SDC3: variants seen among roughly 807,000 people sequenced by gnomAD.
The protein encoded by SDC3 is syndecan-3.
In SDC3, 13 loss-of-function variants were observed where a neutral mutation model predicts 24.4. That is an observed-to-expected ratio of 0.53 (90% CI 0.35 to 0.85). SDC3 has a LOEUF of 0.85. SDC3 is among the 40% of genes least tolerant of loss of function. The pLI, the probability that SDC3 is intolerant of heterozygous loss-of-function variation, is 0.01. For synonymous variants in SDC3, 295 were observed against 260.9 expected (o/e 1.13, Z -1.26); for missense variants, 571 against 584.5 (o/e 0.98, Z 0.24).
intron 4 of SDC3, 102 bp downstream of exon 4, chr1:30,874,195 C>A: frequency 7.3e-6 from 7 of 964,316 alleles, no homozygotes; most frequent in Non-Finnish European, 9.2e-6. Context: ...GAAACCACGC[C>A]CTGATCTCCT....
In SDC3 at chr1:30,869,551, A is replaced by AAAAAAAAAAAAAAAAAAAC. The variant is rs1639494851; in HGVS notation, c.*3659_*3660insGTTTTTTTTTTTTTTTTTT. 1 of 392,376 alleles carries AAAAAAAAAAAAAAAAAAAC rather than the reference A, an allele frequency of 2.5e-6. No individual in the cohort carries two copies. The highest frequency in any genetic ancestry group is 4.5e-6 in the Non-Finnish European group (1 of 223,694). 24.3% of individuals were successfully genotyped at this position (392,376 alleles called of 1,614,324 possible). On this transcript the variant is annotated 3_prime_UTR_variant, in exon 5 of 5. Transcript: ENST00000339394. ...AACAAACAAACAAAAAAAAAAAAAA[A>AAAAAAAAAAAAAAAAAAAC]AAAAAAAAAACAAAAACAAAACCAG... is the stretch of plus-strand genomic sequence containing the variant.
chr1:30,874,602 G>A lies in SDC3; in HGVS notation c.871-14C>T, dbSNP rs775066462. On this transcript the variant is annotated splice_polypyrimidine_tract_variant and intron_variant, in intron 3 of 4. Coordinates refer to ENST00000339394, the MANE Select transcript of SDC3 (RefSeq NM_014654.4). ...TGGAGTTGGGGTCTGCAGAGAGGGT[G>A]GCATGAGCCCAGGACAACCACACAT... The A allele has an allele frequency of 1.2e-6, 2 of 1,611,634 alleles. No individual in the cohort carries two copies. Among genetic ancestry groups the A allele is most frequent in the Non-Finnish European group, 1.7e-6 (2 of 1,178,600 alleles).
rs186353720 is a variant in SDC3 at position 30,901,479 on chromosome 1, A to T, written c.138+6970T>A. ...AACAAGGCCTCTCTGGAGTTCCAGG[A>T]GTGGAAGGGCCTGAAGAGTCATCAT... On this transcript the variant is annotated intron_variant, in intron 1 of 4. Transcript: ENST00000339394. 2.9e-3 allele frequency among the ~76,000 whole-genome samples: 449 copies of T among 152,276 alleles called. 4 individuals carry two copies. The highest frequency in any genetic ancestry group is 0.01 in the African/African-American group (426 of 41,534).
intron 1 of SDC3, among the ~76,000 whole-genome samples, chr1:30,899,635 G>A (rs1165289612): frequency 6.6e-6 from 1 of 152,210 alleles, no homozygotes; most frequent in East Asian, 1.9e-4. Context: ...CTCCCAAAGT[G>A]CTGGGATTAC....
At chr1:30,882,504 C>T (rs967245711) in intron 1 of SDC3, among the ~76,000 whole-genome samples, 2 of 152,194 alleles carry the variant, frequency 1.3e-5, no homozygotes, top group Admixed American at 6.5e-5. Flanking sequence ...GGAGGCTCCC[C>T]TGGGCCAGGG....
chr1:30,878,905 C>T (rs1317588128), intron 1 of SDC3, 165 bp from the exon 2 acceptor site: 3 of 603,274 alleles, frequency 5.0e-6, no homozygotes, highest in East Asian at 5.5e-5. Flanking sequence ...ATTCACAGGG[C>T]AGGGGTGGGG....
chr1:30,888,380 G>C (rs1225362127), intron 1 of SDC3, among the ~76,000 whole-genome samples: 2 of 152,150 alleles, frequency 1.3e-5, no homozygotes, highest in African/African-American at 4.8e-5. Flanking sequence ...AGGTGAGGGG[G>C]CTCCAGGGAC....
intron 1 of SDC3, among the ~76,000 whole-genome samples, chr1:30,899,565 T>C (rs1371132617): frequency 6.6e-6 from 1 of 151,036 alleles, no homozygotes; most frequent in Non-Finnish European, 1.5e-5. Context: ...AGAGATGGAG[T>C]TTCACCATCT....
intron 2 of SDC3, chr1:30,877,524 G>A (rs922716954): frequency 5.9e-6 from 3 of 511,512 alleles, no homozygotes. Flanking sequence ...GAACACAGGA[G>A]TGGCATTCTG....
chr1:30,906,279 C>CT (rs1282446727), intron 1 of SDC3, among the ~76,000 whole-genome samples: 1 of 152,162 alleles, frequency 6.6e-6, no homozygotes, highest in East Asian at 1.9e-4. Context: ...GGACACTCCA[C>CT]TTCCCACCAC....
chr1:30,883,960 C>G (rs1437265169), intron 1 of SDC3, among the ~76,000 whole-genome samples: 1 of 152,178 alleles, frequency 6.6e-6, no homozygotes, highest in Non-Finnish European at 1.5e-5. Context: ...TCACGCTCAC[C>G]AGATCCACCC....
At chr1:30,894,645 GT>G (rs1433460765) in intron 1 of SDC3, among the ~76,000 whole-genome samples, 6 of 33,136 alleles carry the variant, frequency 1.8e-4, no homozygotes, top group Middle Eastern at 0.014. Flanking sequence ...GTGGGTGTGT[GT>G]GGGGTGTGTG....
chr1:30,885,335 T>C (rs1490882628), intron 1 of SDC3, among the ~76,000 whole-genome samples: 1 of 152,216 alleles, frequency 6.6e-6, no homozygotes, highest in African/African-American at 2.4e-5. Context: ...ACTATCAAAG[T>C]GAATTTCCAA....
At chr1:30,879,286 G>A (rs535869062) in intron 1 of SDC3, among the ~76,000 whole-genome samples, 6 of 152,292 alleles carry the variant, frequency 3.9e-5, no homozygotes, top group African/African-American at 1.4e-4. Flanking sequence ...AGCCAGGGCA[G>A]GGAGCCAGGA....
At chr1:30,891,236 C>T (rs1639899528) in intron 1 of SDC3, among the ~76,000 whole-genome samples, 1 of 152,228 alleles carries the variant, frequency 6.6e-6, no homozygotes. Flanking sequence ...GTCCATCTGC[C>T]CTCTGTCCCC....
In SDC3 at chr1:30,874,480, G is replaced by A; in HGVS notation, c.979C>T (p.Pro327Ser). The change falls in exon 4 of 5, where the codon CCA becomes TCA. Residue 327 changes from proline (P) to serine (S), a missense_variant. Physicochemically the swap from Pro to Ser is moderately conservative, Grantham distance 74. Around this residue, in one of 2 missense-constraint regions of SDC3, gnomAD observed 497 missense variants for 471.6 expected, o/e 1.05. Transcript: ENST00000339394. The part of the protein sequence containing the change: ...FELPEEETTQ[P>S]DTANEVVAVG... ...GCTACCACCTCATTGGCTGTGTCTG[G>A]TTGTGTGGTCTCTTCTTCTGGCAGC... 6.2e-7 allele frequency: 1 copy of A among 1,614,136 alleles called. No individual in the cohort carries two copies. Among genetic ancestry groups the A allele is most frequent in the South Asian group, 1.1e-5 (1 of 91,078 alleles).
rs569405408 is a variant in SDC3 at position 30,873,364 on chromosome 1, G to A, written c.1176C>T (p.Gly392=). Residue 392 remains glycine, a synonymous_variant, in exon 5 of 5, where the codon GGC becomes GGT. Coordinates refer to ENST00000339394, the MANE Select transcript of SDC3 (RefSeq NM_014654.4). ...RKEVLVAVIV[G]GVVGALFAAF... ...CAGCAAAGAGGGCGCCCACCACCCC[G>A]CCCACAATCACAGCTGTGGAAGAAG... 1.5e-4 allele frequency: 242 copies of A among 1,613,264 alleles called. 1 individual carries two copies. Among genetic ancestry groups the A allele is most frequent in the South Asian group, 2.9e-4 (26 of 91,054 alleles).
At chr1:30,874,626 A>G (rs1639607856) in intron 3 of SDC3, 38 bp from the exon 4 acceptor site, 1 of 1,588,654 alleles carries the variant, frequency 6.3e-7, no homozygotes, top group Non-Finnish European at 8.6e-7. Context: ...ACAACCACAC[A>G]TGCATGCATA....
chr1:30,884,365 T>C (rs1639797331), intron 1 of SDC3, among the ~76,000 whole-genome samples: 1 of 150,202 alleles, frequency 6.7e-6, no homozygotes, highest in Non-Finnish European at 1.5e-5. Context: ...ACCAAACCTA[T>C]CCCCACCCCC....
Sources: gnomAD v4.1 joint callset for allele counts (sites outside exome capture counted in the v4.1 genomes callset) on GRCh38, gnomAD v4.1.1 for gene constraint, gnomAD v4.1.1 regional missense constraint, MANE v1.5 for transcripts, NCBI Gene and HGNC (gene_info 2026-07-23, HGNC 2026-07-21) for gene names.